PTPRR: variants seen among roughly 807,000 people sequenced by gnomAD.
PTPRR encodes the protein receptor-type tyrosine-protein phosphatase R.
PTPRR carries 38 observed loss-of-function variants against 77.2 expected under a neutral mutation model. The observed-to-expected ratio is 0.49, with a 90% CI of 0.38 to 0.65. The LOEUF is 0.65. Ranked by LOEUF, PTPRR falls within the 30% of genes least tolerant of loss-of-function variation. The pLI is 0.00. For synonymous variants in PTPRR, 299 were observed against 283.1 expected, an observed-to-expected ratio of 1.06 and a Z score of -0.57; for missense variants, 744 against 799.2, an observed-to-expected ratio of 0.93 and a Z score of 0.83.
intron 6 of PTPRR, among the ~76,000 whole-genome samples, chr12:70,725,854 A>T (rs1399665536): frequency 1.3e-5 from 2 of 152,118 alleles, no homozygotes; most frequent in Non-Finnish European, 2.9e-5. Flanking sequence ...ATATTTCTAG[A>T]CTCTGTCAAA....
chr12:70,656,896 T>G, intron 12 of PTPRR, 79 bp from the exon 13 acceptor site: 1 of 990,910 alleles, frequency 1.0e-6, no homozygotes. Context: ...AGGGTACTTT[T>G]AAATCTGAAA....
chr12:70,693,827 A>C (rs1227339168), intron 8 of PTPRR, among the ~76,000 whole-genome samples: 3 of 152,150 alleles, frequency 2.0e-5, no homozygotes, highest in Admixed American at 1.3e-4. Context: ...AAACTTCTCT[A>C]TACATAGATG....
At chr12:70,724,331 T>G (rs577477960) in intron 6 of PTPRR, among the ~76,000 whole-genome samples, 20 of 152,186 alleles carry the variant, frequency 1.3e-4, no homozygotes, top group African/African-American at 4.8e-4. Flanking sequence ...TTTAAGACTG[T>G]GTCACCTTGG....
intron 2 of PTPRR, among the ~76,000 whole-genome samples, chr12:70,817,817 T>G (rs1891932234): frequency 6.6e-6 from 1 of 152,234 alleles, no homozygotes; most frequent in African/African-American, 2.4e-5. Context: ...AAGATGTCAC[T>G]CAGTTTATTT....
In PTPRR at chr12:70,843,808, A is replaced by T. The variant is rs373643026; in HGVS notation, c.357+48871T>A. 1.5e-3 allele frequency among the ~76,000 whole-genome samples: 184 copies of T among 124,656 alleles called. 1 individual carries two copies. Among genetic ancestry groups the T allele is most frequent in the Middle Eastern group, 5.6e-3 (1 of 180 alleles). 81.8% of individuals were successfully genotyped at this position (124,656 alleles called of 152,430 possible). A position where few individuals can be genotyped will look rare whatever the true frequency, so the allele number is the denominator to read the frequency against. On this transcript the variant is annotated intron_variant, in intron 2 of 13. Transcript: ENST00000283228. ...ATTTGAGACATAAATGTTGCTGAAA[A>T]TTTTTTTTTTTTTTTTTTTTTTTTG...
At chr12:70,794,796 G>A (rs752015131) in intron 2 of PTPRR, among the ~76,000 whole-genome samples, 21 of 152,188 alleles carry the variant, frequency 1.4e-4, no homozygotes, top group Non-Finnish European at 2.4e-4. Flanking sequence ...CCTTGACATA[G>A]CCACAGGCAG....
chr12:70,700,023 G>A (rs1888362983), intron 7 of PTPRR, among the ~76,000 whole-genome samples: 2 of 152,268 alleles, frequency 1.3e-5, no homozygotes, highest in South Asian at 2.1e-4. Flanking sequence ...AGCTCTAGGT[G>A]TGCCTTTGGC....
intron 2 of PTPRR, among the ~76,000 whole-genome samples, chr12:70,791,775 CA>C (rs892660821): frequency 2.6e-5 from 4 of 151,754 alleles, no homozygotes; most frequent in Non-Finnish European, 4.4e-5. Flanking sequence ...TTTTAAGATA[CA>C]AAAAAATGTA....
At chr12:70,868,741 T>C (rs1473494747) in intron 2 of PTPRR, among the ~76,000 whole-genome samples, 1 of 152,140 alleles carries the variant, frequency 6.6e-6, no homozygotes, top group East Asian at 1.9e-4. Flanking sequence ...TGCACATGTA[T>C]GTTGATTGCA....
chr12:70,820,410 T>C (rs1442103387), intron 2 of PTPRR, among the ~76,000 whole-genome samples: 1 of 152,194 alleles, frequency 6.6e-6, no homozygotes, highest in African/African-American at 2.4e-5. Context: ...CTCGGCTCAC[T>C]GCAAGCTCCG....
chr12:70,911,058 G>T (rs1368561935), intron 1 of PTPRR, among the ~76,000 whole-genome samples: 2 of 152,142 alleles, frequency 1.3e-5, no homozygotes, highest in Admixed American at 1.3e-4. Context: ...GAGTAGCCTG[G>T]GTTTTAGGGG....
rs954039976 is a variant in PTPRR, at chr12:70,638,672, A to G, written c.*512T>C. 3.3e-5 allele frequency: 5 copies of G among 152,418 alleles called. No homozygotes were observed. The highest frequency in any genetic ancestry group is 9.6e-5 in the African/African-American group (4 of 41,470). The allele number at this position is 152,418 out of a possible 1,614,324, so 9.4% of individuals were successfully genotyped here. A position where few individuals can be genotyped will look rare whatever the true frequency, so the allele number is the denominator to read the frequency against. On this transcript the variant is annotated 3_prime_UTR_variant, in exon 14 of 14. Coordinates refer to ENST00000283228, the MANE Select transcript of PTPRR (RefSeq NM_002849.4). ...ACAAAGACTTCTCTGTTAAAAATCC[A>G]TTATCAATCACTTGCAACTTTAGCA...
intron 13 of PTPRR, 96 bp from the exon 14 acceptor site, chr12:70,639,373 G>T: frequency 8.2e-6 from 12 of 1,471,714 alleles, no homozygotes; most frequent in Non-Finnish European, 1.1e-5. Context: ...TTATGCCAAA[G>T]ACACATAGAA....
intron 1 of PTPRR, among the ~76,000 whole-genome samples, chr12:70,898,522 T>TA (rs1210677492): frequency 1.3e-5 from 2 of 148,550 alleles, no homozygotes; most frequent in African/African-American, 4.9e-5. Context: ...TAAATATATA[T>TA]ATTTTAAAAA....
chr12:70,759,865 C>G (rs930456122), intron 4 of PTPRR, among the ~76,000 whole-genome samples: 1 of 151,878 alleles, frequency 6.6e-6, no homozygotes, highest in South Asian at 2.1e-4. Context: ...GACCATATAC[C>G]ATATTAAGAA....
chr12:70,779,998 T>A (rs1216330081), intron 2 of PTPRR, among the ~76,000 whole-genome samples: 1 of 121,074 alleles, frequency 8.3e-6, no homozygotes, highest in African/African-American at 3.2e-5. Context: ...TGAAACTCAC[T>A]TTTTTTTTTT....
chr12:70,671,075 CAT>C (rs1186480663), intron 10 of PTPRR, among the ~76,000 whole-genome samples: 10 of 152,282 alleles, frequency 6.6e-5, no homozygotes, highest in African/African-American at 2.4e-4. Context: ...ACTCCATCTC[CAT>C]ATGTTTTTTG....
At chr12:70,848,313 A>T (rs962206211) in intron 2 of PTPRR, among the ~76,000 whole-genome samples, 1 of 152,136 alleles carries the variant, frequency 6.6e-6, no homozygotes, top group African/African-American at 2.4e-5. Flanking sequence ...TTCTATGTTC[A>T]TCTGTGTTCA....
chr12:70,748,226 A>G (rs1014365558), intron 5 of PTPRR, among the ~76,000 whole-genome samples: 1 of 152,166 alleles, frequency 6.6e-6, no homozygotes, highest in African/African-American at 2.4e-5. Flanking sequence ...TGAGTTATGG[A>G]GGTTTGGAAA....
Sources: allele counts gnomAD v4.1 joint callset (sites outside exome capture counted in the v4.1 genomes callset), GRCh38; gene constraint gnomAD v4.1.1; transcripts MANE v1.5; gene names NCBI Gene and HGNC (gene_info 2026-07-23, HGNC 2026-07-21).